CEP152: variants seen among roughly 807,000 people sequenced by gnomAD.
CEP152 encodes the protein centrosomal protein 152.
A neutral mutation model predicts 188.9 loss-of-function variants in CEP152; 132 were observed. The ratio of observed to expected loss-of-function variants is 0.70; its 90% CI spans 0.61 to 0.81. The LOEUF (loss-of-function observed/expected upper bound fraction) is 0.81, where lower values mean the gene tolerates loss of function less well. Ranked by LOEUF, CEP152 falls within the 30% of genes least tolerant of loss-of-function variation. CEP152 has a pLI of 0.00. For synonymous variants in CEP152, 649 were observed against 666.6 expected (o/e 0.97, Z 0.41); for missense variants, 1,914 against 1,969.8 (o/e 0.97, Z 0.54).
intron 2 of CEP152, among the ~76,000 whole-genome samples, chr15:48,798,575 G>C (rs1187283696): frequency 1.1e-4 from 16 of 152,178 alleles, no homozygotes; most frequent in Admixed American, 1.0e-3. Flanking sequence ...TCACTAATTA[G>C]TAGAGAGCCA....
At position 48,758,131 on chromosome 15, in the gene CEP152, T is replaced by A. The variant is rs139155777; in HGVS notation, c.2695-1578A>T. On this transcript the variant is annotated intron_variant, in intron 19 of 26. Transcript: ENST00000380950. ...GTAGGGGCCAGGCAACAGTATTTTT[T>A]AAAGATCCTCAAGTTATTCCAATGT... 4.4e-3 allele frequency among the ~76,000 whole-genome samples: 675 copies of A among 152,356 alleles called. 1 individual carries two copies. Among genetic ancestry groups the A allele is most frequent in the African/African-American group, 0.016 (645 of 41,592 alleles).
chr15:48,741,433 T>G, intron 26 of CEP152, 168 bp downstream of exon 26: 1 of 1,473,030 alleles, frequency 6.8e-7, no homozygotes, highest in Admixed American at 2.4e-5. Flanking sequence ...CCTACTTAAA[T>G]TGGAAACTGT....
downstream of CEP152, among the ~76,000 whole-genome samples, chr15:48,734,741 A>G (rs192039476): frequency 2.5e-3 from 387 of 152,312 alleles, no homozygotes; most frequent in Non-Finnish European, 4.4e-3. Context: ...AATTATAGAC[A>G]CAATGGACTT....
At chr15:48,772,993 T>A (rs1401683899) in intron 12 of CEP152, among the ~76,000 whole-genome samples, 1 of 152,192 alleles carries the variant, frequency 6.6e-6, no homozygotes, top group Non-Finnish European at 1.5e-5. Context: ...GAAAACTGCA[T>A]GCTGTATATA....
At chr15:48,747,669 G>T (rs1360225891) in intron 22 of CEP152, among the ~76,000 whole-genome samples, 2 of 152,270 alleles carry the variant, frequency 1.3e-5, no homozygotes, top group East Asian at 3.9e-4. Context: ...TGCAATGAAG[G>T]TCCAGCAGTA....
intron 17 of CEP152, among the ~76,000 whole-genome samples, chr15:48,764,151 T>C (rs985765570): frequency 1.2e-4 from 18 of 152,222 alleles, no homozygotes; most frequent in Non-Finnish European, 1.5e-5. Flanking sequence ...AGAATTGTCT[T>C]CTAAAGTTAG....
chr15:48,800,829 T>C (rs1297561741), intron 2 of CEP152, among the ~76,000 whole-genome samples: 1 of 152,176 alleles, frequency 6.6e-6, no homozygotes, highest in African/African-American at 2.4e-5. Flanking sequence ...TCCCCTCCTT[T>C]TCTACTTCAT....
rs1007627946 is a variant in CEP152, at chr15:48,793,433, T to G, written c.720A>C (p.Gln240His). The change falls in exon 7 of 27, where the codon CAA becomes CAC. Residue 240 changes from glutamine to histidine, a missense_variant. Coordinates refer to ENST00000380950, the MANE Select transcript of CEP152 (RefSeq NM_001194998.2). ...CTTTTGCTTTGTTAAGAACCTGAAGTTGAATAATCTGCATATTTTCTGCAG... is the reference window on the plus strand; with the variant it reads ...CTTTTGCTTTGTTAAGAACCTGAAGGTGAATAATCTGCATATTTTCTGCAG... Reference protein sequence around the residue: ...ENSAENMQIIQLQVLNKAKER... With the variant: ...ENSAENMQIIHLQVLNKAKER... 8 of 1,613,568 alleles carry G rather than the reference T, an allele frequency of 5.0e-6. No individual in the cohort carries two copies. The highest frequency in any genetic ancestry group is 1.1e-5 in the South Asian group (1 of 91,078).
In CEP152 at chr15:48,738,245, A is replaced by G. The variant is rs756498214; in HGVS notation, c.*4T>C. The G allele has an allele frequency of 1.2e-6, 2 of 1,610,724 alleles. No individual in the cohort carries two copies. Among genetic ancestry groups the G allele is most frequent in the East Asian group, 4.5e-5 (2 of 44,752 alleles). The stretch of plus-strand genomic sequence containing the variant: ...AATGATTCTTCTTAAATACTGTACC[A>G]TAATTAGTCTAGATTAACAAATGGG... On this transcript the variant is annotated 3_prime_UTR_variant, in exon 27 of 27. Coordinates refer to ENST00000380950, the MANE Select transcript of CEP152 (RefSeq NM_001194998.2).
chr15:48,752,949 T>TATATATG (rs1893982507), intron 20 of CEP152, among the ~76,000 whole-genome samples: 1 of 152,322 alleles, frequency 6.6e-6, no homozygotes, highest in Admixed American at 6.5e-5. Context: ...CTTCATATGC[T>TATATATG]TCTAAATACT....
intron 1 of CEP152, among the ~76,000 whole-genome samples, chr15:48,806,918 T>C (rs934377126): frequency 6.6e-6 from 1 of 152,106 alleles, no homozygotes; most frequent in East Asian, 1.9e-4. Context: ...CAAGCTAGAA[T>C]AGATGAATAT....
intron 22 of CEP152, among the ~76,000 whole-genome samples, chr15:48,745,826 A>G (rs1425838925): frequency 3.9e-5 from 6 of 152,232 alleles, no homozygotes; most frequent in Admixed American, 3.9e-4. Context: ...TAAGCCTAGG[A>G]AAAATTAACC....
At chr15:48,803,229 C>T (rs752129278) in intron 2 of CEP152, among the ~76,000 whole-genome samples, 1 of 152,168 alleles carries the variant, frequency 6.6e-6, no homozygotes, top group African/African-American at 2.4e-5. Flanking sequence ...AGCTACCAAC[C>T]AGGTAGACAG....
intron 2 of CEP152, among the ~76,000 whole-genome samples, chr15:48,801,511 A>C (rs1897667076): frequency 6.6e-6 from 1 of 152,230 alleles, no homozygotes; most frequent in Non-Finnish European, 1.5e-5. Context: ...ATATGTCATC[A>C]CTAAATGACC....
At chr15:48,739,940 C>T (rs16961499) in intron 26 of CEP152, among the ~76,000 whole-genome samples, 2,369 of 152,286 alleles carry the variant, frequency 0.016, 67 homozygotes, top group African/African-American at 0.054. Flanking sequence ...CTAAGGTTCA[C>T]ATCACCATTC....
At chr15:48,747,838 T>C (rs1893562839) in intron 22 of CEP152, among the ~76,000 whole-genome samples, 1 of 152,130 alleles carries the variant, frequency 6.6e-6, no homozygotes, top group Non-Finnish European at 1.5e-5. Context: ...AAAATATCCC[T>C]TTCCAAATGT....
chr15:48,760,023 A>AC, intron 19 of CEP152, 112 bp downstream of exon 19: 1 of 1,400,366 alleles, frequency 7.1e-7, no homozygotes, highest in Non-Finnish European at 1.0e-6. Context: ...ACATGTATCA[A>AC]CATGTTTATC....
chr15:48,732,764 T>A (rs1176676312), intron 2 of CEP152, among the ~76,000 whole-genome samples: 1 of 152,076 alleles, frequency 6.6e-6, no homozygotes, highest in African/African-American at 2.4e-5. Flanking sequence ...CCTTAATTTT[T>A]AAAACACATT....
intron 2 of CEP152, among the ~76,000 whole-genome samples, chr15:48,800,835 T>A (rs748559395): frequency 1.2e-4 from 18 of 152,182 alleles, no homozygotes; most frequent in Non-Finnish European, 2.6e-4. Flanking sequence ...CCTTTTCTAC[T>A]TCATGTTTCT....
Sources: allele counts gnomAD v4.1 joint callset (sites outside exome capture counted in the v4.1 genomes callset), GRCh38; gene constraint gnomAD v4.1.1; transcripts MANE v1.5; gene names NCBI Gene and HGNC (gene_info 2026-07-23, HGNC 2026-07-21).